Variants in COL4A4 observed in about 807,000 individuals in gnomAD.
COL4A4 encodes the protein collagen alpha-4(IV) chain.
In COL4A4, 105 loss-of-function variants were observed where a neutral mutation model predicts 192.9. The observed-to-expected ratio is 0.54, with a 90% CI of 0.46 to 0.64. The LOEUF is 0.64. Ranked by LOEUF, COL4A4 falls within the 30% of genes least tolerant of loss-of-function variation. The pLI is 0.00. For missense variants in COL4A4, 1,967 were observed against 2,169.3 expected, an observed-to-expected ratio of 0.91 and a Z score of 1.85; for synonymous variants, 762 against 769.9, an observed-to-expected ratio of 0.99 and a Z score of 0.17.
chr2:227,016,788 T>G (rs1038818181), intron 44 of COL4A4, among the ~76,000 whole-genome samples: 3 of 152,226 alleles, frequency 2.0e-5, no homozygotes, highest in Admixed American at 6.5e-5. Flanking sequence ...GCTCCTGTTA[T>G]GCTTTTGTGC....
intron 28 of COL4A4, among the ~76,000 whole-genome samples, chr2:227,058,875 CAG>C (rs1976176472): frequency 1.3e-5 from 2 of 151,538 alleles, no homozygotes; most frequent in South Asian, 4.2e-4. Context: ...GGATATGAAT[CAG>C]TGTCCAGGCC....
In COL4A4 at chr2:227,052,326, C is replaced by T; in HGVS notation, c.2947G>A (p.Asp983Asn). The T allele has an allele frequency of 6.2e-7, 1 of 1,604,724 alleles. No homozygotes were observed. The highest frequency in any genetic ancestry group is 8.5e-7 in the Non-Finnish European group (1 of 1,171,422). Residue 983 changes from aspartate to asparagine, a missense_variant, in exon 32 of 48, where the codon GAT becomes AAT. By Grantham distance (23) the Asp-to-Asn change is conservative (BLOSUM62 1). Coordinates refer to ENST00000396625, the MANE Select transcript of COL4A4 (RefSeq NM_000092.5). ...TPGEPGPPGD[D>N]GFPGERGDKG... The stretch of plus-strand genomic sequence containing the variant: ...TTACCTCTTTCTCCTGGGAATCCAT[C>T]ATCTCCAGGAGGTCCAGGTTCCCCA...
chr2:227,155,272 T>C (rs2064245385), intron 1 of COL4A4, among the ~76,000 whole-genome samples: 1 of 152,034 alleles, frequency 6.6e-6, no homozygotes, highest in Admixed American at 6.6e-5. Context: ...TTAGTGCAAT[T>C]GGACCAGATC....
At chr2:227,051,180 C>G in intron 32 of COL4A4, 22 bp from the exon 33 acceptor site, 1 of 1,613,794 alleles carries the variant, frequency 6.2e-7, no homozygotes, top group Non-Finnish European at 8.5e-7. Context: ...GGAAGTGTTA[C>G]AGGTCTCTGC....
intron 38 of COL4A4, 98 bp from the exon 39 acceptor site, chr2:227,032,374 G>A (rs532509473): frequency 2.1e-5 from 30 of 1,407,738 alleles, no homozygotes; most frequent in Non-Finnish European, 2.7e-5. Context: ...GCAGAGGAGT[G>A]GCTGGTTCTG....
intron 22 of COL4A4, among the ~76,000 whole-genome samples, chr2:227,088,317 G>C (rs778035747): frequency 3.9e-5 from 6 of 152,142 alleles, no homozygotes; most frequent in Admixed American, 2.6e-4. Flanking sequence ...TGTGTTGAGG[G>C]AGGGACCTGG....
intron 37 of COL4A4, among the ~76,000 whole-genome samples, chr2:227,039,560 G>C (rs1250229932): frequency 6.6e-6 from 1 of 152,194 alleles, no homozygotes; most frequent in Non-Finnish European, 1.5e-5. Flanking sequence ...ACAGTGGCAT[G>C]AGCCCTGCCA....
At chr2:227,119,787 G>T in intron 6 of COL4A4, 108 bp downstream of exon 6, 1 of 462,170 alleles carries the variant, frequency 2.2e-6, no homozygotes, top group African/African-American at 2.1e-5. Flanking sequence ...TATATATATT[G>T]TGGTTTCTAT....
chr2:227,053,563 T>C (rs1359370092), intron 31 of COL4A4, among the ~76,000 whole-genome samples: 2 of 82,020 alleles, frequency 2.4e-5, no homozygotes, highest in South Asian at 4.7e-4. Flanking sequence ...TTTTTTTTTT[T>C]TGGAGACAGA....
the COL4A4 span, among the ~76,000 whole-genome samples, chr2:226,973,339 GT>G: frequency 6.6e-6 from 1 of 152,336 alleles, no homozygotes; most frequent in Non-Finnish European, 1.5e-5. Context: ...ACATTTTCCT[GT>G]GCTAGAGATG....
chr2:227,155,838 G>A (rs2064294537), intron 1 of COL4A4, among the ~76,000 whole-genome samples: 1 of 152,156 alleles, frequency 6.6e-6, no homozygotes, highest in Non-Finnish European at 1.5e-5. Context: ...TTCAGATCTT[G>A]ATGACTCCCA....
chr2:226,974,197 C>T, the COL4A4 span, among the ~76,000 whole-genome samples: 24 of 151,996 alleles, frequency 1.6e-4, no homozygotes, highest in Middle Eastern at 6.8e-3. Flanking sequence ...GGGACTTGAG[C>T]CCAGAGTGTT....
chr2:227,088,283 G>A (rs531881551), intron 22 of COL4A4, among the ~76,000 whole-genome samples: 53 of 152,254 alleles, frequency 3.5e-4, no homozygotes, highest in Admixed American at 9.1e-4. Context: ...ATCTCATCTC[G>A]AATTGTAATC....
At chr2:227,162,006 A>G (rs200301475) in intron 1 of COL4A4, among the ~76,000 whole-genome samples, 2 of 151,950 alleles carry the variant, frequency 1.3e-5, no homozygotes, top group Admixed American at 6.5e-5. Context: ...GGTTTTTGCT[A>G]TCTCATTAGA....
In COL4A4 at chr2:227,111,726, G is replaced by T; in HGVS notation, c.559-13C>A. The T allele has an allele frequency of 1.2e-6, 2 of 1,613,482 alleles. No homozygotes were observed. The highest frequency in any genetic ancestry group is 2.2e-5 in the South Asian group (2 of 91,066). ...CCCCTCTGTCTCCCTGCAAAAATAA[G>T]AATGCATTGCTTTAAGTCCACACAA... On this transcript the variant is annotated splice_polypyrimidine_tract_variant and intron_variant, in intron 8 of 47. Coordinates refer to ENST00000396625, the MANE Select transcript of COL4A4 (RefSeq NM_000092.5).
chr2:227,093,478 T>C (rs1044523991), intron 20 of COL4A4, among the ~76,000 whole-genome samples: 2 of 152,098 alleles, frequency 1.3e-5, no homozygotes, highest in African/African-American at 4.8e-5. Context: ...CTTTTCAGAC[T>C]TTGGCGTTTC....
chr2:227,041,779 GA>G (rs1971035419), intron 37 of COL4A4, among the ~76,000 whole-genome samples: 1 of 62,524 alleles, frequency 1.6e-5, no homozygotes, highest in Non-Finnish European at 3.2e-5. Flanking sequence ...AGGAAGGAAG[GA>G]AGGAAGGGAA....
At chr2:226,992,556 C>T in the COL4A4 span, among the ~76,000 whole-genome samples, 1 of 152,098 alleles carries the variant, frequency 6.6e-6, no homozygotes. Flanking sequence ...GAAAGCCGAA[C>T]CATGCTAGTA....
At chr2:227,143,433 C>T (rs960903177) in intron 3 of COL4A4, among the ~76,000 whole-genome samples, 2 of 152,186 alleles carry the variant, frequency 1.3e-5, no homozygotes, top group African/African-American at 2.4e-5. Context: ...GACATCGCAT[C>T]GATTTGTATT....
Sources: allele counts gnomAD v4.1 joint callset (sites outside exome capture counted in the v4.1 genomes callset), GRCh38; gene constraint gnomAD v4.1.1; transcripts MANE v1.5; gene names NCBI Gene and HGNC (gene_info 2026-07-23, HGNC 2026-07-21).